The following ABCA10 variants were observed in gnomAD, a reference collection of about 807,000 sequenced individuals.
ABCA10 encodes the protein ATP-binding cassette sub-family A member 10.
In ABCA10, 169 loss-of-function variants were observed where a neutral mutation model predicts 187.5. That is an observed-to-expected ratio of 0.90 (90% CI 0.80 to 1.02). ABCA10 has a LOEUF of 1.02. ABCA10 is among the 50% of genes least tolerant of loss of function. The pLI is 0.00. For missense variants in ABCA10, 1,727 were observed against 1,812.4 expected, an observed-to-expected ratio of 0.95 and a Z score of 0.86; for synonymous variants, 574 against 601.8, an observed-to-expected ratio of 0.95 and a Z score of 0.68.
rs1332101894 is a variant in ABCA10 at position 69,193,616 on chromosome 17, T to C, written c.1522-4A>G. 1.9e-6 allele frequency: 3 copies of C among 1,597,562 alleles called. No individual in the cohort carries two copies. Among genetic ancestry groups the C allele is most frequent in the East Asian group, 2.2e-5 (1 of 44,618 alleles). On this transcript the variant is annotated splice_polypyrimidine_tract_variant and splice_region_variant and intron_variant, in intron 13 of 38. Transcript: ENST00000690296. The stretch of plus-strand genomic sequence containing the variant: ...ATTCCATTATAATTCTTTTTACCTA[T>C]CAAAGAAAACTCTGTGTTAACAATA...
At chr17:69,197,694 C>T (rs2074515906) in intron 10 of ABCA10, among the ~76,000 whole-genome samples, 1 of 152,284 alleles carries the variant, frequency 6.6e-6, no homozygotes, top group East Asian at 1.9e-4. Context: ...CTATTACTCA[C>T]TCTTTTGTTT....
intron 25 of ABCA10, among the ~76,000 whole-genome samples, chr17:69,167,963 CCCCTAA>C (rs2074266594): frequency 1.3e-5 from 2 of 152,140 alleles, no homozygotes; most frequent in Non-Finnish European, 2.9e-5. Context: ...ACCTCTGACA[CCCCTAA>C]GACAGCAAGA....
chr17:69,192,297 G>C (rs1290384747), intron 16 of ABCA10, among the ~76,000 whole-genome samples: 1 of 145,586 alleles, frequency 6.9e-6, no homozygotes, highest in East Asian at 2.0e-4. Flanking sequence ...AACAGAGCGA[G>C]ACTGTGTCTT....
In ABCA10 at chr17:69,193,384, T is replaced by C. The variant is rs2074475760; in HGVS notation, c.1641+109A>G. ...TCCCTAACAAGCTTGCATGGTACTT[T>C]ATTATAAATTTTCCCTCACATTTGG... On this transcript the variant is annotated intron_variant, in intron 14 of 38. Coordinates refer to ENST00000690296, the MANE Select transcript of ABCA10 (RefSeq NM_001377321.1). 4.0e-6 allele frequency: 6 copies of C among 1,503,338 alleles called. No individual in the cohort carries two copies. In the East Asian group the frequency reaches 7.1e-5, roughly 18 times the overall value. The allele number at this position is 1,503,338 out of a possible 1,614,324, so 93.1% of individuals were successfully genotyped here.
intron 27 of ABCA10, among the ~76,000 whole-genome samples, chr17:69,162,838 C>CATATACATATACATATATATATATAT (rs375141032): frequency 5.0e-5 from 6 of 120,838 alleles, no homozygotes; most frequent in African/African-American, 1.1e-4. Context: ...TATACATATA[C>CATATACATATACATATATATATATAT]ATATATATAT....
intron 17 of ABCA10, 86 bp downstream of exon 17, chr17:69,191,090 G>T: frequency 8.2e-6 from 10 of 1,218,544 alleles, no homozygotes; most frequent in Non-Finnish European, 9.6e-6. Context: ...ATAAGCTTTA[G>T]AACTCGATTC....
intron 1 of ABCA10, among the ~76,000 whole-genome samples, chr17:69,238,787 T>C (rs1353027757): frequency 6.6e-6 from 1 of 152,160 alleles, no homozygotes; most frequent in Admixed American, 6.5e-5. Context: ...TTTCAATTGG[T>C]TGTGGGTACA....
intron 36 of ABCA10, 148 bp from the exon 37 acceptor site, chr17:69,150,211 T>C (rs1332814752): frequency 1.9e-5 from 10 of 531,932 alleles, no homozygotes; most frequent in Non-Finnish European, 2.9e-5. Flanking sequence ...AAATTACAGA[T>C]TCAATCATAA....
chr17:69,201,834 G>C (rs555184024), intron 9 of ABCA10, among the ~76,000 whole-genome samples, 166 bp from the exon 10 acceptor site: 2 of 152,064 alleles, frequency 1.3e-5, no homozygotes, highest in South Asian at 2.1e-4. Context: ...GCCCAGGCAG[G>C]AGTGCAATGG....
At chr17:69,220,952 A>C (rs771127042) in intron 5 of ABCA10, among the ~76,000 whole-genome samples, 1 of 152,200 alleles carries the variant, frequency 6.6e-6, no homozygotes, top group Admixed American at 6.5e-5. Flanking sequence ...TTACAGAAAA[A>C]TGTTGCTAGT....
chr17:69,185,494 A>T lies in ABCA10; in HGVS notation c.2480T>A (p.Leu827Ter). Residue 827 changes from leucine (L) to a stop codon, truncating the protein, a stop_gained, in exon 20 of 39, where the codon TTA (leucine) becomes TAA (stop). Transcript: ENST00000690296. LOFTEE classifies it high-confidence loss of function. ...TTTCTCACCTGTATTATTAACGATT[A>T]ACAGGCTGGTAAGAGGCGTCTTCGG... ...QIPKTPLTSL[L>*]IVNNTGSNIE... The T allele has an allele frequency of 6.2e-7, 1 of 1,613,044 alleles. No homozygotes were observed. Among genetic ancestry groups the T allele is most frequent in the Non-Finnish European group, 8.5e-7 (1 of 1,179,488 alleles).
At chr17:69,231,062 C>T (rs2074828908), upstream of ABCA10, among the ~76,000 whole-genome samples, 1 of 152,018 alleles carries the variant, frequency 6.6e-6, no homozygotes, top group Non-Finnish European at 1.5e-5. Context: ...AACAAAGTAC[C>T]ACAAACTGGG....
At position 69,152,963 on chromosome 17, in the gene ABCA10, G is replaced by A. The variant is rs1030973354; in HGVS notation, c.4136+342C>T. On this transcript the variant is annotated intron_variant, in intron 34 of 38. Coordinates refer to ENST00000690296, the MANE Select transcript of ABCA10 (RefSeq NM_001377321.1). ...GTTAAAATAATGCACTATTGGGGAA[G>A]AAAAGTAGGAAAGTTGGAGTAAAAA... 2.0e-5 allele frequency among the ~76,000 whole-genome samples: 3 copies of A among 151,918 alleles called. No homozygotes were observed. The East Asian group carries it at 5.8e-4, about 29-fold the overall frequency.
At chr17:69,176,927 T>A (rs1201399354) in intron 22 of ABCA10, among the ~76,000 whole-genome samples, 1 of 152,078 alleles carries the variant, frequency 6.6e-6, no homozygotes, top group Non-Finnish European at 1.5e-5. Flanking sequence ...AAGAGATACC[T>A]TTTTTCTCCT....
At chr17:69,204,103 G>A (rs1370927903) in intron 9 of ABCA10, among the ~76,000 whole-genome samples, 1 of 152,146 alleles carries the variant, frequency 6.6e-6, no homozygotes, top group Non-Finnish European at 1.5e-5. Flanking sequence ...TTGGAGACAA[G>A]CCTCAGAATC....
intron 4 of ABCA10, among the ~76,000 whole-genome samples, chr17:69,222,153 G>A (rs1013974412): frequency 6.6e-6 from 1 of 151,894 alleles, no homozygotes; most frequent in Non-Finnish European, 1.5e-5. Context: ...TCAGGAGTTC[G>A]AGACCAGCCT....
chr17:69,192,783 T>C, intron 15 of ABCA10, 130 bp from the exon 16 acceptor site: 1 of 806,648 alleles, frequency 1.2e-6, no homozygotes, highest in Non-Finnish European at 1.9e-6. Context: ...ATTAAGCCCC[T>C]GGGTGCAGTA....
rs758225238 is a variant in ABCA10, at chr17:69,152,428, G to A, written c.4190C>T (p.Thr1397Ile). Reference sequence around the variant, plus strand: ...AGCCTCAGCCTCTGACATGTAATGGGTGGTCAAGAGGGTGCCCCTCTCCTT... The same window carrying A: ...AGCCTCAGCCTCTGACATGTAATGGATGGTCAAGAGGGTGCCCCTCTCCTT... ...KNKERGTLLT[T>I]HYMSEAEAVC... The change falls in exon 35 of 39, where the codon ACC (threonine) becomes ATC (isoleucine). Residue 1397 changes from threonine (T) to isoleucine (I), a missense_variant. Physicochemically the swap from Thr to Ile is moderately conservative, Grantham distance 89 (BLOSUM62 -1). Transcript: ENST00000690296. 1.2e-6 allele frequency: 2 copies of A among 1,614,032 alleles called. No homozygotes were observed. Among genetic ancestry groups the A allele is most frequent in the Non-Finnish European group, 1.7e-6 (2 of 1,179,944 alleles).
At chr17:69,168,366 C>A (rs2074270137) in intron 25 of ABCA10, among the ~76,000 whole-genome samples, 1 of 152,050 alleles carries the variant, frequency 6.6e-6, no homozygotes. Flanking sequence ...CTTTTATATT[C>A]CATTGAATTT....
Sources: allele counts gnomAD v4.1 joint callset (sites outside exome capture counted in the v4.1 genomes callset), GRCh38; gene constraint gnomAD v4.1.1; transcripts MANE v1.5; gene names NCBI Gene and HGNC (gene_info 2026-07-23, HGNC 2026-07-21).